Variants in ZBTB7C observed in about 807,000 individuals in gnomAD.
The protein encoded by ZBTB7C is zinc finger and BTB domain containing 7C.
ZBTB7C carries 8 observed loss-of-function variants against 25.7 expected under a neutral mutation model. The ratio of observed to expected loss-of-function variants is 0.31; its 90% CI spans 0.18 to 0.56. ZBTB7C has a LOEUF of 0.56. Ranked by LOEUF, ZBTB7C falls within the 20% of genes least tolerant of loss-of-function variation. ZBTB7C has a pLI of 0.91. For missense variants in ZBTB7C, 824 were observed against 855.2 expected, an observed-to-expected ratio of 0.96 and a Z score of 0.46; for synonymous variants, 394 against 369.0, an observed-to-expected ratio of 1.07 and a Z score of -0.78.
At chr18:48,065,815 T>C (rs562328820) in intron 3 of ZBTB7C, among the ~76,000 whole-genome samples, 9 of 152,276 alleles carry the variant, frequency 5.9e-5, no homozygotes, top group African/African-American at 2.2e-4. Context: ...TCTAGGGCCG[T>C]TGGAGAAGTG....
intron 3 of ZBTB7C, among the ~76,000 whole-genome samples, chr18:48,128,612 C>G (rs904835712): frequency 1.3e-5 from 2 of 152,176 alleles, no homozygotes; most frequent in African/African-American, 4.8e-5. Context: ...GAATGGAAAA[C>G]CAAATTCTGT....
chr18:48,134,723 C>G (rs1415424150), intron 3 of ZBTB7C, among the ~76,000 whole-genome samples: 2 of 152,240 alleles, frequency 1.3e-5, no homozygotes, highest in East Asian at 3.8e-4. Context: ...CTCAGCCCGG[C>G]CAGCACTGAT....
At chr18:48,050,222 C>A (rs1477039950) in intron 3 of ZBTB7C, among the ~76,000 whole-genome samples, 3 of 152,140 alleles carry the variant, frequency 2.0e-5, no homozygotes, top group African/African-American at 4.8e-5. Flanking sequence ...CTGGCCAGCC[C>A]TAGATCTCTG....
intron 2 of ZBTB7C, among the ~76,000 whole-genome samples, chr18:48,288,590 A>G (rs1286395680): frequency 6.6e-6 from 1 of 151,566 alleles, no homozygotes; most frequent in Non-Finnish European, 1.5e-5. Context: ...TGGGAGGTGG[A>G]GGTTGCAGTG....
chr18:48,169,299 C>T (rs551751873), intron 3 of ZBTB7C, among the ~76,000 whole-genome samples: 10 of 152,186 alleles, frequency 6.6e-5, no homozygotes, highest in East Asian at 1.9e-4. Context: ...CCTTACCACT[C>T]GATTGGACAT....
chr18:48,350,759 C>A (rs1214489436), intron 1 of ZBTB7C, among the ~76,000 whole-genome samples: 1 of 152,162 alleles, frequency 6.6e-6, no homozygotes, highest in Non-Finnish European at 1.5e-5. Context: ...AAAGCAATAG[C>A]AGTATGTATA....
intron 3 of ZBTB7C, among the ~76,000 whole-genome samples, chr18:48,103,112 TTATCTATC>T (rs61043835): frequency 0.051 from 6,668 of 130,888 alleles, 242 homozygotes; most frequent in African/African-American, 0.094. Context: ...ATATTTTATA[TTATCTATC>T]TATCTATCTA....
intron 2 of ZBTB7C, among the ~76,000 whole-genome samples, chr18:48,311,057 C>T (rs2045806646): frequency 2.0e-5 from 3 of 152,320 alleles, no homozygotes; most frequent in South Asian, 2.1e-4. Flanking sequence ...GGATTCCTGG[C>T]CCCTGCCAGT....
intron 2 of ZBTB7C, among the ~76,000 whole-genome samples, chr18:48,295,059 G>A (rs2045348603): frequency 6.6e-6 from 1 of 152,054 alleles, no homozygotes; most frequent in Non-Finnish European, 1.5e-5. Flanking sequence ...GGGCATGAAA[G>A]TCAGTGCCAC....
At chr18:48,192,338 AT>A (rs1468908448) in intron 2 of ZBTB7C, among the ~76,000 whole-genome samples, 1 of 152,194 alleles carries the variant, frequency 6.6e-6, no homozygotes, top group Non-Finnish European at 1.5e-5. Flanking sequence ...AGTACAGAGG[AT>A]TTTTAAGGCA....
intron 3 of ZBTB7C, among the ~76,000 whole-genome samples, chr18:48,106,996 G>A (rs2039053302): frequency 6.6e-6 from 1 of 152,048 alleles, no homozygotes; most frequent in South Asian, 2.1e-4. Flanking sequence ...ATTGGAATGA[G>A]AGCCTCAGCT....
At chr18:48,217,130 C>T (rs977733942) in intron 2 of ZBTB7C, among the ~76,000 whole-genome samples, 1 of 152,174 alleles carries the variant, frequency 6.6e-6, no homozygotes, top group African/African-American at 2.4e-5. Context: ...ACCAACCCTG[C>T]TGACAGCTTG....
intron 2 of ZBTB7C, among the ~76,000 whole-genome samples, chr18:48,315,117 G>C (rs907419812): frequency 2.0e-5 from 3 of 152,186 alleles, no homozygotes; most frequent in African/African-American, 7.2e-5. Flanking sequence ...AAATGTGTGT[G>C]ATTTCAGAAG....
At chr18:48,385,232 C>G (rs1045244686) in intron 1 of ZBTB7C, among the ~76,000 whole-genome samples, 1 of 152,196 alleles carries the variant, frequency 6.6e-6, no homozygotes, top group Admixed American at 6.5e-5. Flanking sequence ...CTTATTCCGT[C>G]TTTACTACTT....
chr18:48,246,289 G>T (rs1048635125), intron 2 of ZBTB7C, among the ~76,000 whole-genome samples: 1 of 152,030 alleles, frequency 6.6e-6, no homozygotes, highest in South Asian at 2.1e-4. Flanking sequence ...CGTTAGCCGG[G>T]CGTGGTGGCG....
At chr18:48,249,513 T>C (rs2043788433) in intron 2 of ZBTB7C, among the ~76,000 whole-genome samples, 1 of 152,228 alleles carries the variant, frequency 6.6e-6, no homozygotes, top group South Asian at 2.1e-4. Context: ...ATAGTAGGCA[T>C]ATACCACAGA....
intron 2 of ZBTB7C, among the ~76,000 whole-genome samples, chr18:48,227,332 C>T (rs980221746): frequency 6.6e-6 from 1 of 152,232 alleles, no homozygotes; most frequent in Non-Finnish European, 1.5e-5. Flanking sequence ...CTTCAAAAGC[C>T]TCCTCCCATT....
intron 1 of ZBTB7C, among the ~76,000 whole-genome samples, chr18:48,386,509 G>T (rs1487693534): frequency 2.0e-5 from 3 of 152,180 alleles, no homozygotes; most frequent in Admixed American, 6.5e-5. Context: ...AAGAGACTGG[G>T]TTTACCCACA....
At chr18:48,109,035 G>A (rs1568225163) in intron 3 of ZBTB7C, among the ~76,000 whole-genome samples, 1 of 152,130 alleles carries the variant, frequency 6.6e-6, no homozygotes, top group Non-Finnish European at 1.5e-5. Flanking sequence ...TGCTGAAGCA[G>A]GGAGACTTCC....
Sources: allele counts gnomAD v4.1 joint callset (sites outside exome capture counted in the v4.1 genomes callset), GRCh38; gene constraint gnomAD v4.1.1; transcripts MANE v1.5; gene names NCBI Gene and HGNC (gene_info 2026-07-23, HGNC 2026-07-21).